The following RFC2 variants were observed in gnomAD, a reference collection of about 807,000 sequenced individuals.
The protein encoded by RFC2 is A1 40 kDa subunit.
RFC2 carries 34 observed loss-of-function variants against 44.8 expected under a neutral mutation model. The ratio of observed to expected loss-of-function variants is 0.76; its 90% CI spans 0.58 to 1.01. RFC2 has a LOEUF of 1.01. Ranked by LOEUF, RFC2 falls within the 50% of genes least tolerant of loss-of-function variation. The probability of loss-of-function intolerance (pLI) is 0.00; values close to 1 mark genes in which losing one functional copy is unlikely to be tolerated. For synonymous variants in RFC2, 177 were observed against 168.9 expected (o/e 1.05, Z -0.37); for missense variants, 400 against 453.6 (o/e 0.88, Z 1.07).
intron 5 of RFC2, among the ~76,000 whole-genome samples, chr7:74,243,711 C>T (rs930757340): frequency 1.3e-5 from 2 of 150,436 alleles, no homozygotes; most frequent in African/African-American, 4.9e-5. Flanking sequence ...AGCAATCCTC[C>T]CATCTCAAAA....
chr7:74,244,016 C>G lies in RFC2; in HGVS notation c.435-770G>C, dbSNP rs1255879346. Among the ~76,000 whole-genome samples, 10 of 147,292 alleles carry G rather than the reference C, an allele frequency of 6.8e-5. No individual in the cohort carries two copies. In the Admixed American group the frequency reaches 6.9e-4, roughly 10 times the overall value. On this transcript the variant is annotated intron_variant, in intron 5 of 10. Transcript: ENST00000055077. ...CTGTAATCCCAGCACATTGGGAGGC[C>G]GAGGCAGGTGGCTCTCTTGAGGTCA...
At chr7:74,249,820 T>C (rs1554720764) in intron 2 of RFC2, 40 bp from the exon 3 acceptor site, 4 of 1,562,956 alleles carry the variant, frequency 2.6e-6, no homozygotes, top group Admixed American at 1.7e-5. Context: ...TAAAACTTGC[T>C]TCTGGATGAC....
At chr7:74,254,136 T>C in intron 1 of RFC2, 135 bp downstream of exon 1, 1 of 696,294 alleles carries the variant, frequency 1.4e-6, no homozygotes, top group Non-Finnish European at 2.6e-6. Context: ...ATCATCTCGA[T>C]GCCACCCGGG....
In RFC2 at chr7:74,231,975, T is replaced by G; in HGVS notation, c.*131A>C. On this transcript the variant is annotated 3_prime_UTR_variant, in exon 11 of 11. Transcript: ENST00000055077. The stretch of plus-strand genomic sequence containing the variant: ...GATTACAGGCGTGAGCTACCGTGCC[T>G]GGCCAGCCACTGGAGTTTAAAGGAC... 1 of 657,766 alleles carries G rather than the reference T, an allele frequency of 1.5e-6. No homozygotes were observed. Among genetic ancestry groups the G allele is most frequent in the Non-Finnish European group, 2.7e-6 (1 of 370,562 alleles). 40.7% of individuals were successfully genotyped at this position (657,766 alleles called of 1,614,324 possible).
chr7:74,233,466 AAAG>A (rs1202256937), intron 10 of RFC2, among the ~76,000 whole-genome samples: 4 of 152,216 alleles, frequency 2.6e-5, no homozygotes, highest in Admixed American at 6.5e-5. Flanking sequence ...ATGTTTCATC[AAAG>A]AAGATTCTGG....
intron 7 of RFC2, 84 bp from the exon 8 acceptor site, chr7:74,239,072 AGGCTGG>A: frequency 8.7e-7 from 1 of 1,145,626 alleles, no homozygotes; most frequent in Non-Finnish European, 1.3e-6. Flanking sequence ...TATGTTGCCC[AGGCTGG>A]TCTCGAACTC....
intron 4 of RFC2, among the ~76,000 whole-genome samples, chr7:74,248,049 C>T (rs3135665): frequency 0.045 from 6,818 of 152,158 alleles, 194 homozygotes; most frequent in Non-Finnish European, 0.065. Context: ...CCTGCCTCAG[C>T]CTCCCAAAGT....
In RFC2 at chr7:74,254,358, C is replaced by G; in HGVS notation, c.26G>C (p.Gly9Ala). 6.2e-7 allele frequency: 1 copy of G among 1,608,848 alleles called. No individual in the cohort carries two copies. Among genetic ancestry groups the G allele is most frequent in the Non-Finnish European group, 8.5e-7 (1 of 1,177,742 alleles). Reference protein sequence around the residue: MEVEAVCGGAGEVEAQDSD... With the variant: MEVEAVCGAAGEVEAQDSD... ...GTCCTGGGCCTCCACCTCGCCCGCG[C>G]CACCACAGACGGCCTCCACCTCCAT... Residue 9 changes from glycine (G) to alanine (A), a missense_variant, in exon 1 of 11, where the codon GGC becomes GCC. By Grantham distance (60) the Gly-to-Ala change is moderately conservative. Coordinates refer to ENST00000055077, the MANE Select transcript of RFC2 (RefSeq NM_181471.3).
intron 6 of RFC2, among the ~76,000 whole-genome samples, chr7:74,242,943 G>A (rs1554719452): frequency 6.6e-6 from 1 of 150,712 alleles, no homozygotes; most frequent in Non-Finnish European, 1.5e-5. Context: ...AAAAAATCCA[G>A]GTGTGGTGGC....
intron 5 of RFC2, among the ~76,000 whole-genome samples, chr7:74,245,484 G>A (rs543269923): frequency 9.3e-5 from 14 of 151,042 alleles, no homozygotes; most frequent in South Asian, 8.4e-4. Context: ...AGGCCGAGGC[G>A]GGCGGATCAT....
intron 3 of RFC2, among the ~76,000 whole-genome samples, 177 bp downstream of exon 3, chr7:74,249,562 A>C (rs2116336869): frequency 6.6e-6 from 1 of 151,680 alleles, no homozygotes; most frequent in East Asian, 1.9e-4. Context: ...TAAATAAATA[A>C]ATAAAAAAAA....
At chr7:74,233,107 A>G (rs868944570) in intron 10 of RFC2, among the ~76,000 whole-genome samples, 1 of 152,104 alleles carries the variant, frequency 6.6e-6, no homozygotes, top group African/African-American at 2.4e-5. Context: ...GCTACTCGGG[A>G]GCCTGAGGTG....
rs1563998618 is a variant in RFC2 at position 74,249,053 on chromosome 7, T to A, written c.291A>T (p.Ala97=). The change falls in exon 4 of 11, where the codon GCA becomes GCT. Residue 97 remains alanine, a synonymous_variant. Transcript: ENST00000055077. ...LCLARALLGP[A]LKDAMLELNA... is the part of the protein sequence containing the mutation. ...TGAGTTCCAACATGGCATCTTTGAG[T>A]GCTGGGCCCAGCAGGGCCCGGGCCA... 6.2e-7 allele frequency: 1 copy of A among 1,614,006 alleles called. No individual in the cohort carries two copies. Among genetic ancestry groups the A allele is most frequent in the Non-Finnish European group, 8.5e-7 (1 of 1,179,980 alleles).
intron 5 of RFC2, among the ~76,000 whole-genome samples, chr7:74,244,096 CAA>C (rs1179272254): frequency 1.7e-4 from 7 of 41,630 alleles, no homozygotes; most frequent in Admixed American, 2.9e-4. Flanking sequence ...ACTAAAAATA[CAA>C]AAAAAAAAAA....
chr7:74,231,908 G>A lies in RFC2; in HGVS notation c.*198C>T. ...TTGGCCAGGCTGGTCTTGAACTTCT[G>A]ACCTCAGGTGATCCACCTGCCTCGG... On this transcript the variant is annotated 3_prime_UTR_variant, in exon 11 of 11. Transcript: ENST00000055077. 2.1e-6 allele frequency: 1 copy of A among 468,676 alleles called. No individual in the cohort carries two copies. The highest frequency in any genetic ancestry group is 3.8e-6 in the Non-Finnish European group (1 of 263,260). 29.0% of individuals were successfully genotyped at this position (468,676 alleles called of 1,614,324 possible).
Position 74,246,164 on chromosome 7 carries a change from C to G in RFC2, c.434+498G>C, listed in dbSNP as rs1379527279. ...TGAGCTGAAATCGCACCACTGCACT[C>G]CAGCCTGGGAGACAGAGCGAGACTC... On this transcript the variant is annotated intron_variant, in intron 5 of 10. Transcript: ENST00000055077. Among the ~76,000 whole-genome samples the G allele has an allele frequency of 3.3e-5, 5 of 151,832 alleles. No homozygotes were observed. In the East Asian group the frequency reaches 9.6e-4, roughly 29 times the overall value.
intron 10 of RFC2, among the ~76,000 whole-genome samples, chr7:74,234,777 G>A (rs941289321): frequency 8.6e-5 from 13 of 151,996 alleles, no homozygotes; most frequent in South Asian, 6.2e-4. Flanking sequence ...GCATGCACAG[G>A]CTCCCACTTC....
chr7:74,244,205 T>G (rs1803481499), intron 5 of RFC2, among the ~76,000 whole-genome samples: 2 of 149,478 alleles, frequency 1.3e-5, no homozygotes, highest in South Asian at 2.1e-4. Context: ...GAGGCAGAGG[T>G]TGCAGTGAGC....
At chr7:74,250,154 AAC>A (rs1424406372) in intron 2 of RFC2, among the ~76,000 whole-genome samples, 2 of 148,772 alleles carry the variant, frequency 1.3e-5, no homozygotes, top group African/African-American at 5.2e-5. Context: ...CTGTCTCAAA[AAC>A]AAAAAAAAAA....
Sources: gnomAD v4.1 joint callset for allele counts (sites outside exome capture counted in the v4.1 genomes callset) on GRCh38, gnomAD v4.1.1 for gene constraint, MANE v1.5 for transcripts, NCBI Gene and HGNC (gene_info 2026-07-23, HGNC 2026-07-21) for gene names.